PPFIA1: variants seen among roughly 807,000 people sequenced by gnomAD.
PPFIA1 encodes liprin-alpha-1.
PPFIA1 carries 25 observed loss-of-function variants against 149.9 expected under a neutral mutation model. The ratio of observed to expected loss-of-function variants is 0.17; its 90% CI spans 0.12 to 0.23. The LOEUF (loss-of-function observed/expected upper bound fraction) is 0.23. Ranked by LOEUF, PPFIA1 falls within the 10% of genes least tolerant of loss-of-function variation. The pLI, the probability that PPFIA1 is intolerant of heterozygous loss-of-function variation, is 1.00. For synonymous variants in PPFIA1, 549 were observed against 552.8 expected (o/e 0.99, Z 0.10); for missense variants, 1,362 against 1,506.5 (o/e 0.90, Z 1.59).
chr11:70,331,167 G>A (rs1000342642), intron 8 of PPFIA1, among the ~76,000 whole-genome samples: 2 of 151,318 alleles, frequency 1.3e-5, no homozygotes, highest in Admixed American at 6.6e-5. Flanking sequence ...CCCAAGAGGC[G>A]GAGGTTGCAG....
At chr11:70,355,959 C>A in intron 18 of PPFIA1, 148 bp downstream of exon 18, 1 of 1,123,930 alleles carries the variant, frequency 8.9e-7, no homozygotes, top group Non-Finnish European at 1.3e-6. Context: ...TAGAGAGCAG[C>A]AGTTTATGCT....
intron 24 of PPFIA1, among the ~76,000 whole-genome samples, chr11:70,376,159 T>G (rs2057481422): frequency 6.6e-6 from 1 of 152,226 alleles, no homozygotes; most frequent in Non-Finnish European, 1.5e-5. Flanking sequence ...CGGCTTATTT[T>G]TGTATTTTTA....
intron 2 of PPFIA1, among the ~76,000 whole-genome samples, chr11:70,309,910 T>G (rs1322084750): frequency 6.6e-6 from 1 of 152,102 alleles, no homozygotes; most frequent in Non-Finnish European, 1.5e-5. Context: ...GACGAAAATG[T>G]TTTGAATTAG....
chr11:70,284,221 C>T (rs1436864047), intron 2 of PPFIA1, among the ~76,000 whole-genome samples: 1 of 152,206 alleles, frequency 6.6e-6, no homozygotes, highest in East Asian at 1.9e-4. Context: ...ATGGTGCCCC[C>T]TCATCTGCTT....
chr11:70,353,852 C>T (rs2056208321), intron 16 of PPFIA1, among the ~76,000 whole-genome samples: 1 of 152,204 alleles, frequency 6.6e-6, no homozygotes, highest in South Asian at 2.1e-4. Context: ...CTTGCCCTCT[C>T]TAGTGTTTCT....
chr11:70,364,056 C>T (rs2056798562), intron 21 of PPFIA1, among the ~76,000 whole-genome samples: 1 of 152,162 alleles, frequency 6.6e-6, no homozygotes, highest in Non-Finnish European at 1.5e-5. Context: ...TCCTCCCTTC[C>T]CCATCATTCC....
intron 2 of PPFIA1, among the ~76,000 whole-genome samples, chr11:70,309,402 C>T (rs968024858): frequency 1.3e-5 from 2 of 152,172 alleles, no homozygotes; most frequent in African/African-American, 2.4e-5. Context: ...CTTGCGACCT[C>T]AGGTGATCTG....
chr11:70,308,156 C>A (rs2052996212), intron 2 of PPFIA1, among the ~76,000 whole-genome samples: 1 of 152,370 alleles, frequency 6.6e-6, no homozygotes, highest in East Asian at 1.9e-4. Flanking sequence ...TCAAGCGATT[C>A]TCCTCTGTCA....
chr11:70,348,058 G>T (rs1348460264), intron 15 of PPFIA1, 131 bp from the exon 16 acceptor site: 2 of 681,196 alleles, frequency 2.9e-6, no homozygotes, highest in Admixed American at 2.8e-5. Flanking sequence ...TTGCTGAAGT[G>T]TTCATTGTTT....
intron 16 of PPFIA1, 198 bp from the exon 17 acceptor site, chr11:70,354,103 G>A: frequency 3.6e-6 from 2 of 555,216 alleles, no homozygotes; most frequent in East Asian, 3.1e-5. Flanking sequence ...ACGCTCGTGG[G>A]GAGGCAGACC....
intron 2 of PPFIA1, among the ~76,000 whole-genome samples, chr11:70,295,494 G>A (rs1267151242): frequency 7.3e-5 from 10 of 137,660 alleles, no homozygotes; most frequent in Non-Finnish European, 1.4e-4. Context: ...CGGGGCGGCT[G>A]GCCGGGTGGG....
At chr11:70,353,251 G>A (rs2056173036) in intron 16 of PPFIA1, among the ~76,000 whole-genome samples, 1 of 152,168 alleles carries the variant, frequency 6.6e-6, no homozygotes, top group South Asian at 2.1e-4. Context: ...CGTGCTTGTA[G>A]TCCCACCTAC....
chr11:70,287,205 G>C (rs950374690), intron 2 of PPFIA1, among the ~76,000 whole-genome samples: 2 of 152,010 alleles, frequency 1.3e-5, no homozygotes, highest in African/African-American at 4.8e-5. Context: ...CAGAACACTT[G>C]AGCTCTCCAT....
intron 14 of PPFIA1, chr11:70,342,276 C>A: frequency 6.6e-6 from 1 of 152,480 alleles, no homozygotes; most frequent in Non-Finnish European, 1.5e-5. Context: ...GCAGGTGGGG[C>A]TGACCTCAGA....
At position 70,376,617 on chromosome 11, in the gene PPFIA1, A is replaced by T; in HGVS notation, c.3384+17A>T. On this transcript the variant is annotated intron_variant, in intron 25 of 27. Transcript: ENST00000253925. ...TTTGATGAAGTAAGTTTTTGGCCTA[A>T]TGTTCTTTAAATGTCTGAAATGTGT... The T allele has an allele frequency of 6.3e-7, 1 of 1,580,574 alleles. No homozygotes were observed. Among genetic ancestry groups the T allele is most frequent in the Non-Finnish European group, 8.7e-7 (1 of 1,149,598 alleles).
At chr11:70,293,470 T>C (rs2051676326) in intron 2 of PPFIA1, among the ~76,000 whole-genome samples, 1 of 152,210 alleles carries the variant, frequency 6.6e-6, no homozygotes, top group Non-Finnish European at 1.5e-5. Context: ...ACTGGAACAA[T>C]AGAGAAGCAA....
At chr11:70,302,682 C>T (rs1334028584) in intron 2 of PPFIA1, among the ~76,000 whole-genome samples, 1 of 151,924 alleles carries the variant, frequency 6.6e-6, no homozygotes, top group Non-Finnish European at 1.5e-5. Flanking sequence ...TGTATGGTCT[C>T]GAACACTAGA....
At chr11:70,376,270 T>C (rs2057487587) in intron 24 of PPFIA1, among the ~76,000 whole-genome samples, 1 of 152,148 alleles carries the variant, frequency 6.6e-6, no homozygotes, top group African/African-American at 2.4e-5. Context: ...ATTACAGGCA[T>C]GAGCCACCAC....
intron 21 of PPFIA1, chr11:70,365,484 A>G (rs1418958280): frequency 2.2e-6 from 1 of 455,828 alleles, no homozygotes; most frequent in South Asian, 1.6e-5. Context: ...TTTTCCACTT[A>G]AGACCGTCTG....
Sources: allele counts gnomAD v4.1 joint callset (sites outside exome capture counted in the v4.1 genomes callset), GRCh38; gene constraint gnomAD v4.1.1; transcripts MANE v1.5; gene names NCBI Gene and HGNC (gene_info 2026-07-23, HGNC 2026-07-21).